OSMR: variants seen among roughly 807,000 people sequenced by gnomAD.
The protein encoded by OSMR is oncostatin M receptor.
OSMR carries 81 observed loss-of-function variants against 99.9 expected under a neutral mutation model. The ratio of observed to expected loss-of-function variants is 0.81; its 90% CI spans 0.68 to 0.97. The LOEUF is 0.97. Ranked by LOEUF, OSMR falls within the 50% of genes least tolerant of loss-of-function variation. The pLI, the probability that OSMR is intolerant of heterozygous loss-of-function variation, is 0.00. For synonymous variants in OSMR, 406 were observed against 410.4 expected (o/e 0.99, Z 0.13); for missense variants, 1,099 against 1,153.4 (o/e 0.95, Z 0.68).
At chr5:38,859,055 T>C (rs567194944) in intron 1 of OSMR, among the ~76,000 whole-genome samples, 21 of 152,238 alleles carry the variant, frequency 1.4e-4, no homozygotes, top group African/African-American at 2.4e-4. Flanking sequence ...GCGGGTTTTC[T>C]CTTCACTCCG....
At chr5:38,876,098 T>C in intron 2 of OSMR, 103 bp from the exon 3 acceptor site, 1 of 1,518,818 alleles carries the variant, frequency 6.6e-7, no homozygotes. Flanking sequence ...ATGAGCAATA[T>C]TTTCCAGAGC....
At chr5:38,857,683 C>G (rs898259357) in intron 1 of OSMR, among the ~76,000 whole-genome samples, 3 of 150,812 alleles carry the variant, frequency 2.0e-5, no homozygotes. Flanking sequence ...TTATTTTTTT[C>G]TTGAGATGGA....
chr5:38,849,825 TC>T (rs1202237398), intron 1 of OSMR, among the ~76,000 whole-genome samples: 1 of 152,228 alleles, frequency 6.6e-6, no homozygotes, highest in Non-Finnish European at 1.5e-5. Flanking sequence ...AACTTTCTTA[TC>T]CTTAATTTCC....
chr5:38,870,483 C>A (rs1291630917), intron 2 of OSMR, among the ~76,000 whole-genome samples: 2 of 152,122 alleles, frequency 1.3e-5, no homozygotes, highest in Non-Finnish European at 2.9e-5. Context: ...AGGCACACGC[C>A]ACCACGCCCA....
At chr5:38,896,881 T>G (rs2112490297) in intron 7 of OSMR, among the ~76,000 whole-genome samples, 1 of 152,182 alleles carries the variant, frequency 6.6e-6, no homozygotes, top group South Asian at 2.1e-4. Flanking sequence ...TTTCATCAAA[T>G]GCTTTTTTAG....
chr5:38,886,487 C>T (rs182667559), intron 7 of OSMR: 99 of 421,718 alleles, frequency 2.3e-4, no homozygotes, highest in African/African-American at 1.4e-3. Flanking sequence ...TCGCTCCTTC[C>T]GCCAAGATAA....
intron 1 of OSMR, among the ~76,000 whole-genome samples, chr5:38,862,971 G>A (rs563174864): frequency 3.9e-5 from 6 of 152,086 alleles, no homozygotes; most frequent in African/African-American, 9.6e-5. Flanking sequence ...AGACCAGCCC[G>A]GCCAACACAG....
At position 38,932,986 on chromosome 5, in the gene OSMR, A is replaced by C; in HGVS notation, c.2482A>C (p.Thr828Pro). ...IQFLGTRKSLTETELTKPNYL... is the reference protein window; with the variant it reads ...IQFLGTRKSLPETELTKPNYL... Reference sequence around the variant, plus strand: ...GTTCCTAGGCACTAGGAAGTCACTCACAGAAACCGAGTTGACTAAGCCTAA... The same window carrying C: ...GTTCCTAGGCACTAGGAAGTCACTCCCAGAAACCGAGTTGACTAAGCCTAA... The change falls in exon 18 of 18, where the codon ACA becomes CCA. Residue 828 changes from threonine to proline, a missense_variant. Physicochemically the swap from Thr to Pro is conservative, Grantham distance 38. Coordinates refer to ENST00000274276, the MANE Select transcript of OSMR (RefSeq NM_003999.3). The C allele has an allele frequency of 1.9e-6, 3 of 1,614,222 alleles. No individual in the cohort carries two copies. The highest frequency in any genetic ancestry group is 2.5e-6 in the Non-Finnish European group (3 of 1,180,024).
At chr5:38,913,392 A>G (rs531546542) in intron 9 of OSMR, among the ~76,000 whole-genome samples, 2 of 152,112 alleles carry the variant, frequency 1.3e-5, no homozygotes, top group East Asian at 3.9e-4. Context: ...TACTAAAAAT[A>G]GAAAAAAATC....
chr5:38,912,371 G>A (rs1167612963), intron 9 of OSMR, among the ~76,000 whole-genome samples: 5 of 151,966 alleles, frequency 3.3e-5, no homozygotes, highest in African/African-American at 1.2e-4. Flanking sequence ...TAACCAAGGA[G>A]GTGAAAGATC....
chr5:38,904,458 A>C lies in OSMR; in HGVS notation c.1240A>C (p.Lys414Gln). ...GTGTGCTGATGCCAGCCACTTCTGG[A>C]AATGGAGTGAATGGAGTGGTCAGAA... ...VRCADASHFW[K>Q]WSEWSGQNFT... The change falls in exon 9 of 18, where the codon AAA becomes CAA. Residue 414 changes from lysine to glutamine, a missense_variant. Lys to Gln is a moderately conservative substitution (Grantham distance 53, BLOSUM62 1). Coordinates refer to ENST00000274276, the MANE Select transcript of OSMR (RefSeq NM_003999.3). 6.2e-7 allele frequency: 1 copy of C among 1,614,168 alleles called. No individual in the cohort carries two copies. Among genetic ancestry groups the C allele is most frequent in the South Asian group, 1.1e-5 (1 of 91,082 alleles).
At position 38,932,556 on chromosome 5, in the gene OSMR, T is replaced by C. The variant is rs763019608; in HGVS notation, c.2367+21T>C. 5.6e-6 allele frequency: 9 copies of C among 1,601,524 alleles called. No homozygotes were observed. In the South Asian group the frequency reaches 9.9e-5, roughly 18 times the overall value. The stretch of plus-strand genomic sequence containing the variant: ...TCAAGGTAAATGTTGGCAAATTGTA[T>C]GTATACCATATACCTATTAAGGACT... On this transcript the variant is annotated intron_variant, in intron 17 of 17. Coordinates refer to ENST00000274276, the MANE Select transcript of OSMR (RefSeq NM_003999.3).
At position 38,935,343 on chromosome 5, in the gene OSMR, G is replaced by C. The variant is rs1226881838; in HGVS notation, c.*1899G>C. 6.6e-6 allele frequency: 1 copy of C among 152,142 alleles called. No homozygotes were observed. The highest frequency in any genetic ancestry group is 6.5e-5 in the Admixed American group (1 of 15,284). 9.4% of individuals were successfully genotyped at this position (152,142 alleles called of 1,614,324 possible). ...GGCCTAAATAAACCTACACAAACCA[G>C]TACTTGCCTTTTGCTGGAAACATTG... On this transcript the variant is annotated 3_prime_UTR_variant, in exon 18 of 18. Coordinates refer to ENST00000274276, the MANE Select transcript of OSMR (RefSeq NM_003999.3).
In OSMR at chr5:38,921,608, T is replaced by C. The variant is rs1746236605; in HGVS notation, c.1586-7T>C. On this transcript the variant is annotated splice_region_variant and splice_polypyrimidine_tract_variant and intron_variant, in intron 11 of 17. Coordinates refer to ENST00000274276, the MANE Select transcript of OSMR (RefSeq NM_003999.3). ...TCTGGAGCATTGCTCTATTTGTTTA[T>C]ATACAGAAGAGGTTGAGGAAGAAAG... is the stretch of plus-strand genomic sequence containing the variant. 1 of 1,614,132 alleles carries C rather than the reference T, an allele frequency of 6.2e-7. No homozygotes were observed. The highest frequency in any genetic ancestry group is 2.2e-5 in the East Asian group (1 of 44,882).
rs761946328 is a variant in OSMR, at chr5:38,918,872, C to A, written c.1395C>A (p.Ile465=). Residue 465 remains isoleucine, a synonymous_variant, in exon 11 of 18, where the codon ATC becomes ATA. Transcript: ENST00000274276. ...CAAAACTGCATGCCAATGGAAAGAT[C>A]CTGTTCTATAATGTAGTTGTAGAAA... ...PLSKLHANGK[I]LFYNVVVENL... 16 of 1,613,786 alleles carry A rather than the reference C, an allele frequency of 9.9e-6. No individual in the cohort carries two copies. Among genetic ancestry groups the A allele is most frequent in the Non-Finnish European group, 1.4e-5 (16 of 1,179,896 alleles).
chr5:38,865,524 C>T (rs1190512030), intron 1 of OSMR, among the ~76,000 whole-genome samples: 1 of 152,204 alleles, frequency 6.6e-6, no homozygotes, highest in Non-Finnish European at 1.5e-5. Flanking sequence ...TTAGTAGTGT[C>T]TGTGAGTTCC....
chr5:38,918,585 G>C (rs1561401851), intron 10 of OSMR: 3 of 216,188 alleles, frequency 1.4e-5, no homozygotes, highest in Non-Finnish European at 2.4e-5. Context: ...ATTCTGACCT[G>C]AGCACTCTTC....
chr5:38,933,300 C>T lies in OSMR; in HGVS notation c.2796C>T (p.Leu932=), dbSNP rs1746866628. Residue 932 remains leucine, a synonymous_variant, in exon 18 of 18, where the codon CTC becomes CTT. Coordinates refer to ENST00000274276, the MANE Select transcript of OSMR (RefSeq NM_003999.3). ...CCATGTTTGGAGACAAGGACAGTCT[C>T]CCAACAAACCCAGTAGAGGCACCAC... ...ASPMFGDKDS[L]PTNPVEAPHC... The T allele has an allele frequency of 9.3e-6, 15 of 1,614,192 alleles. No homozygotes were observed. Among genetic ancestry groups the T allele is most frequent in the Non-Finnish European group, 1.3e-5 (15 of 1,180,016 alleles).
At chr5:38,908,531 C>A (rs1349274309) in intron 9 of OSMR, among the ~76,000 whole-genome samples, 1 of 152,194 alleles carries the variant, frequency 6.6e-6, no homozygotes, top group Non-Finnish European at 1.5e-5. Flanking sequence ...GGCCAGCAGA[C>A]TGAGATCAGT....
Sources: allele counts gnomAD v4.1 joint callset (sites outside exome capture counted in the v4.1 genomes callset), GRCh38; gene constraint gnomAD v4.1.1; transcripts MANE v1.5; gene names NCBI Gene and HGNC (gene_info 2026-07-23, HGNC 2026-07-21).